Variants in DAB1 observed in about 807,000 individuals in gnomAD.
DAB1 encodes disabled homolog 1.
A neutral mutation model predicts 64.6 loss-of-function variants in DAB1; 15 were observed. The observed-to-expected ratio is 0.23, with a 90% CI of 0.16 to 0.36. The LOEUF is 0.36. DAB1 is among the 10% of genes least tolerant of loss of function. The probability of loss-of-function intolerance (pLI) is 1.00; values close to 1 mark genes in which losing one functional copy is unlikely to be tolerated. For synonymous variants in DAB1, 235 were observed against 251.9 expected, an observed-to-expected ratio of 0.93 and a Z score of 0.64; for missense variants, 596 against 706.7, an observed-to-expected ratio of 0.84 and a Z score of 1.78.
chr1:57,410,852 A>G (rs1684049742), intron 1 of DAB1, among the ~76,000 whole-genome samples: 1 of 152,244 alleles, frequency 6.6e-6, no homozygotes, highest in Non-Finnish European at 1.5e-5. Context: ...CTAAACTAGT[A>G]CTGTATATAT....
intron 6 of DAB1, among the ~76,000 whole-genome samples, chr1:57,764,628 C>G (rs1240224104): frequency 6.6e-6 from 1 of 152,148 alleles, no homozygotes; most frequent in Non-Finnish European, 1.5e-5. Context: ...CTACTTTTTA[C>G]TTCCATAAGA....
intron 4 of DAB1, among the ~76,000 whole-genome samples, chr1:58,255,559 T>G (rs1469420350): frequency 6.6e-6 from 1 of 152,246 alleles, no homozygotes; most frequent in Middle Eastern, 3.4e-3. Context: ...ACATTATCTC[T>G]CCCAGTCTCA....
chr1:58,292,395 A>G (rs1661864742), intron 4 of DAB1, among the ~76,000 whole-genome samples: 1 of 152,238 alleles, frequency 6.6e-6, no homozygotes, highest in Admixed American at 6.5e-5. Context: ...ATATTATTAG[A>G]GCCTATGCTG....
chr1:57,959,733 C>T (rs1645473243), intron 5 of DAB1, among the ~76,000 whole-genome samples: 1 of 152,176 alleles, frequency 6.6e-6, no homozygotes, highest in Non-Finnish European at 1.5e-5. Flanking sequence ...GCACTCCTTG[C>T]TGAATACTTA....
chr1:57,075,076 A>G (rs934510549), intron 4 of DAB1, among the ~76,000 whole-genome samples: 5 of 152,216 alleles, frequency 3.3e-5, no homozygotes, highest in Admixed American at 1.3e-4. Flanking sequence ...CTCTCGCTGC[A>G]TAATGTGGAG....
intron 5 of DAB1, among the ~76,000 whole-genome samples, chr1:57,916,077 G>A (rs1177764080): frequency 6.6e-6 from 1 of 152,146 alleles, no homozygotes; most frequent in Admixed American, 6.5e-5. Context: ...CTTTACCAAG[G>A]TGCTTCATAA....
chr1:57,820,360 C>A (rs1034432343), intron 6 of DAB1, among the ~76,000 whole-genome samples: 1 of 152,166 alleles, frequency 6.6e-6, no homozygotes, highest in Non-Finnish European at 1.5e-5. Context: ...AAAACTTCCC[C>A]TTTTCCTTCT....
intron 5 of DAB1, among the ~76,000 whole-genome samples, chr1:58,016,804 C>A (rs567564125): frequency 3.3e-5 from 5 of 152,248 alleles, no homozygotes; most frequent in Non-Finnish European, 7.4e-5. Flanking sequence ...TAGTTTATAA[C>A]AATGAACAAT....
intron 7 of DAB1, among the ~76,000 whole-genome samples, chr1:57,648,864 G>T (rs145721393): frequency 6.6e-6 from 1 of 152,242 alleles, no homozygotes; most frequent in African/African-American, 2.4e-5. Context: ...CATCCTAATA[G>T]GCAGTGCTGC....
intron 4 of DAB1, among the ~76,000 whole-genome samples, chr1:58,233,767 A>G (rs1342098441): frequency 1.3e-5 from 2 of 152,232 alleles, no homozygotes; most frequent in Non-Finnish European, 2.9e-5. Flanking sequence ...GCCACAGACC[A>G]TAAGAATTTG....
chr1:58,480,104 TG>T (rs1455733516), intron 3 of DAB1, among the ~76,000 whole-genome samples: 8 of 152,202 alleles, frequency 5.3e-5, no homozygotes, highest in Non-Finnish European at 1.2e-4. Flanking sequence ...CAGCAATTTC[TG>T]GGCACCACTG....
chr1:57,334,050 C>G (rs552650129), intron 1 of DAB1, among the ~76,000 whole-genome samples: 2 of 152,166 alleles, frequency 1.3e-5, no homozygotes, highest in Admixed American at 1.3e-4. Context: ...AGACCCCCAG[C>G]CTTGGACTCC....
intron 6 of DAB1, among the ~76,000 whole-genome samples, chr1:57,683,678 A>T (rs60076190): frequency 0.021 from 3,181 of 152,258 alleles, 115 homozygotes; most frequent in African/African-American, 0.072. Flanking sequence ...CTCTACCAAG[A>T]TGAAAAAGAG....
chr1:57,814,705 C>T (rs1056374552), intron 6 of DAB1, among the ~76,000 whole-genome samples: 15 of 152,268 alleles, frequency 9.9e-5, no homozygotes, highest in Admixed American at 5.2e-4. Flanking sequence ...AATGCAAAAT[C>T]AAGATTTGAA....
intron 1 of DAB1, among the ~76,000 whole-genome samples, chr1:57,332,032 C>T (rs956457649): frequency 9.9e-5 from 15 of 152,284 alleles, no homozygotes; most frequent in Non-Finnish European, 1.6e-4. Flanking sequence ...AGTGCAATCT[C>T]GACTCACTAC....
At chr1:57,166,155 T>C (rs2100904927) in intron 2 of DAB1, among the ~76,000 whole-genome samples, 1 of 152,324 alleles carries the variant, frequency 6.6e-6, no homozygotes. Context: ...TCAATAGCCC[T>C]ATGAGGTAGG....
chr1:58,356,993 TC>T (rs1313828219), intron 3 of DAB1, among the ~76,000 whole-genome samples: 1 of 124,856 alleles, frequency 8.0e-6, no homozygotes, highest in East Asian at 2.3e-4. Context: ...ACCACTTCAC[TC>T]CATCCTGGGC....
chr1:57,721,655 G>A (rs559925276), intron 6 of DAB1, among the ~76,000 whole-genome samples: 3 of 152,302 alleles, frequency 2.0e-5, no homozygotes, highest in Admixed American at 2.0e-4. Context: ...ACTATGTTGA[G>A]CTGCTTCTAG....
rs114577262 is a variant in DAB1 at position 57,077,438 on chromosome 1, G to A, written c.307-5024C>T. Among the ~76,000 whole-genome samples the A allele has an allele frequency of 8.4e-3, 1,278 of 152,238 alleles. 18 individuals carry two copies. The highest frequency in any genetic ancestry group is 0.029 in the African/African-American group (1,219 of 41,536). On this transcript the variant is annotated intron_variant, in intron 4 of 14. Transcript: ENST00000371236. ...AAGTACAGGATGAAGGAAATGAATGGGGAGGAAGAAAAGAAAGAAAGACCA... is the reference window on the plus strand; with the variant it reads ...AAGTACAGGATGAAGGAAATGAATGAGGAGGAAGAAAAGAAAGAAAGACCA...
Sources: gnomAD v4.1 joint callset for allele counts (sites outside exome capture counted in the v4.1 genomes callset) on GRCh38, gnomAD v4.1.1 for gene constraint, MANE v1.5 for transcripts, NCBI Gene and HGNC (gene_info 2026-07-23, HGNC 2026-07-21) for gene names.